STXBP5L: variants seen among roughly 807,000 people sequenced by gnomAD.
STXBP5L encodes the protein syntaxin binding protein 5L.
In STXBP5L, 65 loss-of-function variants were observed where a neutral mutation model predicts 144.5. The observed-to-expected ratio is 0.45, with a 90% CI of 0.37 to 0.55. STXBP5L has a LOEUF of 0.55. Among genes scored for constraint, STXBP5L ranks in the 20% least tolerant of loss-of-function variants. The pLI is 0.00. For synonymous variants in STXBP5L, 505 were observed against 469.6 expected, an observed-to-expected ratio of 1.08 and a Z score of -0.97; for missense variants, 1,298 against 1,405.5, an observed-to-expected ratio of 0.92 and a Z score of 1.22.
At chr3:120,964,174 T>G (rs1210628171) in intron 3 of STXBP5L, among the ~76,000 whole-genome samples, 2 of 152,236 alleles carry the variant, frequency 1.3e-5, no homozygotes, top group African/African-American at 4.8e-5. Context: ...TTCTTCTTTA[T>G]TAGTCTTGCT....
chr3:121,360,225 CT>C (rs1282397158), intron 20 of STXBP5L, among the ~76,000 whole-genome samples: 4 of 150,714 alleles, frequency 2.7e-5, no homozygotes, highest in East Asian at 1.9e-4. Context: ...GTGACTCCTC[CT>C]TTTTTTGGTT....
In STXBP5L at chr3:121,016,784, C is replaced by G. The variant is rs1945178206; in HGVS notation, c.288-24916C>G. On this transcript the variant is annotated intron_variant, in intron 3 of 26. Coordinates refer to ENST00000471454, the MANE Select transcript of STXBP5L (RefSeq NM_001308330.2). ...GCCTGTATCTATTGAAGAAATTAAACCAATTATTAGTAATCTTCCAAAACA... is the reference window on the plus strand; with the variant it reads ...GCCTGTATCTATTGAAGAAATTAAAGCAATTATTAGTAATCTTCCAAAACA... Among the ~76,000 whole-genome samples the G allele has an allele frequency of 2.6e-5, 4 of 152,232 alleles. No individual in the cohort carries two copies. The South Asian group carries it at 8.3e-4, about 32-fold the overall frequency.
intron 19 of STXBP5L, among the ~76,000 whole-genome samples, chr3:121,296,843 C>T (rs1025718930): frequency 6.6e-6 from 1 of 152,096 alleles, no homozygotes; most frequent in African/African-American, 2.4e-5. Context: ...TGCCACTAAA[C>T]CCTCACCAAT....
chr3:120,984,695 T>A (rs1942132518), intron 3 of STXBP5L, among the ~76,000 whole-genome samples: 1 of 148,598 alleles, frequency 6.7e-6, no homozygotes, highest in Non-Finnish European at 1.5e-5. Context: ...AGTACCATGT[T>A]GAATAGAAGT....
chr3:121,330,044 A>G (rs1196085351), intron 20 of STXBP5L, among the ~76,000 whole-genome samples: 2 of 152,210 alleles, frequency 1.3e-5, no homozygotes, highest in Admixed American at 6.5e-5. Flanking sequence ...GCTTCCATAC[A>G]TGCTCACTAA....
At chr3:120,951,062 C>G (rs1034048487) in intron 2 of STXBP5L, among the ~76,000 whole-genome samples, 5 of 152,134 alleles carry the variant, frequency 3.3e-5, no homozygotes, top group Admixed American at 6.5e-5. Flanking sequence ...AAAGGATTCC[C>G]TATTTAATAA....
intron 19 of STXBP5L, among the ~76,000 whole-genome samples, chr3:121,287,994 A>G (rs2051292111): frequency 6.6e-6 from 1 of 152,222 alleles, no homozygotes; most frequent in African/African-American, 2.4e-5. Flanking sequence ...AGATCCCAAT[A>G]AAAATACAGC....
intron 2 of STXBP5L, among the ~76,000 whole-genome samples, chr3:120,934,307 A>G (rs1710139196): frequency 6.6e-6 from 1 of 151,998 alleles, no homozygotes; most frequent in African/African-American, 2.4e-5. Context: ...GGGGGTTTCC[A>G]GCTATCTCTC....
intron 20 of STXBP5L, among the ~76,000 whole-genome samples, chr3:121,367,592 CTTGTTTTTTT>C (rs2045897947): frequency 1.7e-5 from 1 of 59,138 alleles, no homozygotes; most frequent in Non-Finnish European, 3.4e-5. Context: ...GTCTTCGACT[CTTGTTTTTTT>C]TTTTTTTTTT....
chr3:121,381,325 A>G lies in STXBP5L; in HGVS notation c.2380A>G (p.Ser794Gly). The change falls in exon 22 of 27, where the codon AGC becomes GGC. Residue 794 changes from serine to glycine, a missense_variant. Transcript: ENST00000471454. ...AGAAAATTCCTATAATCGTTCTAGA[A>G]GCTCTAGTATCTCCAGTATTGACAA... ...NRENSYNRSRSSSISSIDKDS... is the reference protein window; with the variant it reads ...NRENSYNRSRGSSISSIDKDS... The G allele has an allele frequency of 6.3e-7, 1 of 1,588,176 alleles. No homozygotes were observed. Among genetic ancestry groups the G allele is most frequent in the Admixed American group, 2.0e-5 (1 of 51,236 alleles).
In STXBP5L at chr3:121,035,586, A is replaced by G. The variant is rs74368894; in HGVS notation, c.288-6114A>G. On this transcript the variant is annotated intron_variant, in intron 3 of 26. Coordinates refer to ENST00000471454, the MANE Select transcript of STXBP5L (RefSeq NM_001308330.2). ...GAGATATGTGTCTATTTTTATATCAATATGCTGTTTGGGTTACTGTAGCTT... is the reference window on the plus strand; with the variant it reads ...GAGATATGTGTCTATTTTTATATCAGTATGCTGTTTGGGTTACTGTAGCTT... Among the ~76,000 whole-genome samples, 356 of 152,090 alleles carry G rather than the reference A, an allele frequency of 2.3e-3. 2 individuals carry two copies. The highest frequency in any genetic ancestry group is 8.0e-3 in the African/African-American group (331 of 41,524).
chr3:121,014,947 A>T (rs1158377319), intron 3 of STXBP5L, among the ~76,000 whole-genome samples: 1 of 152,098 alleles, frequency 6.6e-6, no homozygotes, highest in East Asian at 1.9e-4. Flanking sequence ...ACTTAGGGAT[A>T]ATTGAACAAA....
rs745621292 is a variant in STXBP5L at position 121,254,930 on chromosome 3, A to C, written c.1477A>C (p.Lys493Gln). 1 of 1,613,490 alleles carries C rather than the reference A, an allele frequency of 6.2e-7. No homozygotes were observed. Among genetic ancestry groups the C allele is most frequent in the East Asian group, 2.2e-5 (1 of 44,774 alleles). Reference sequence around the variant, plus strand: ...GATGCTGTACAAGCTAAAAACTTCAAAAGTGTTTGAAAAACAGAAGGTAGG... The same window carrying C: ...GATGCTGTACAAGCTAAAAACTTCACAAGTGTTTGAAAAACAGAAGGTAGG... ...LQMLYKLKTS[K>Q]VFEKQKVGEG... The change falls in exon 16 of 27, where the codon AAA becomes CAA. Residue 493 changes from lysine (K) to glutamine (Q), a missense_variant. Lys to Gln is a moderately conservative substitution (Grantham distance 53, BLOSUM62 1). Coordinates refer to ENST00000471454, the MANE Select transcript of STXBP5L (RefSeq NM_001308330.2).
intron 2 of STXBP5L, among the ~76,000 whole-genome samples, chr3:120,940,067 A>C (rs1018163070): frequency 1.3e-5 from 2 of 152,110 alleles, no homozygotes; most frequent in Admixed American, 1.3e-4. Context: ...TATTTTACCC[A>C]AAAGCCAAAT....
chr3:121,186,650 G>A (rs7428465), intron 9 of STXBP5L, among the ~76,000 whole-genome samples: 15,111 of 152,208 alleles, frequency 0.099, 1,180 homozygotes, highest in Admixed American at 0.2. Context: ...AAGCCCACTT[G>A]ATCATGGTGG....
intron 9 of STXBP5L, among the ~76,000 whole-genome samples, chr3:121,180,404 C>T (rs1467997005): frequency 2.0e-5 from 3 of 152,166 alleles, no homozygotes; most frequent in Non-Finnish European, 2.9e-5. Context: ...TTTGCCACTA[C>T]TACACCAGCA....
intron 22 of STXBP5L, among the ~76,000 whole-genome samples, chr3:121,403,432 T>C (rs776186736): frequency 3.3e-5 from 5 of 152,174 alleles, no homozygotes; most frequent in Non-Finnish European, 7.3e-5. Flanking sequence ...TGCTTTCACC[T>C]ACTTAAGAAA....
At position 121,421,065 on chromosome 3, in the gene STXBP5L, T is replaced by C. The variant is rs950430444; in HGVS notation, c.*1968T>C. On this transcript the variant is annotated 3_prime_UTR_variant, in exon 27 of 27. Transcript: ENST00000471454. Reference sequence around the variant, plus strand: ...TGTATAATTTATAGAATTATAAAATTATATGGTAAAAATATTAAAGAAACT... The same window carrying C: ...TGTATAATTTATAGAATTATAAAATCATATGGTAAAAATATTAAAGAAACT... 1 of 152,110 alleles carries C rather than the reference T, an allele frequency of 6.6e-6. No individual in the cohort carries two copies. Among genetic ancestry groups the C allele is most frequent in the Non-Finnish European group, 1.5e-5 (1 of 68,010 alleles). The allele number at this position is 152,110 out of a possible 1,614,324, so 9.4% of individuals were successfully genotyped here. A position where few individuals can be genotyped will look rare whatever the true frequency, so the allele number is the denominator to read the frequency against.
At chr3:120,978,513 G>A (rs1029456119) in intron 3 of STXBP5L, among the ~76,000 whole-genome samples, 27 of 152,210 alleles carry the variant, frequency 1.8e-4, no homozygotes, top group Admixed American at 3.9e-4. Context: ...GCTCGGAGTA[G>A]TTTGATCGTC....
Sources: gnomAD v4.1 joint callset for allele counts (sites outside exome capture counted in the v4.1 genomes callset) on GRCh38, gnomAD v4.1.1 for gene constraint, MANE v1.5 for transcripts, NCBI Gene and HGNC (gene_info 2026-07-23, HGNC 2026-07-21) for gene names.